The following ZCCHC7 variants were observed in gnomAD, a reference collection of about 807,000 sequenced individuals.
ZCCHC7 encodes zinc finger CCHC domain-containing protein 7.
A neutral mutation model predicts 52.0 loss-of-function variants in ZCCHC7; 35 were observed. The observed-to-expected ratio is 0.67, with a 90% CI of 0.51 to 0.89. The LOEUF (loss-of-function observed/expected upper bound fraction) is 0.89, where lower values mean the gene tolerates loss of function less well. ZCCHC7 is among the 40% of genes least tolerant of loss of function. The pLI is 0.00. For synonymous variants in ZCCHC7, 217 were observed against 221.5 expected (o/e 0.98, Z 0.18); for missense variants, 574 against 649.1 (o/e 0.88, Z 1.26).
chr9:37,285,611 T>G (rs1828170107), intron 2 of ZCCHC7, among the ~76,000 whole-genome samples: 1 of 152,192 alleles, frequency 6.6e-6, no homozygotes, highest in Non-Finnish European at 1.5e-5. Flanking sequence ...ATCAAATTTA[T>G]ATTTATCCTG....
chr9:37,123,496 CT>C (rs1017587278), intron 1 of ZCCHC7, among the ~76,000 whole-genome samples: 1 of 152,098 alleles, frequency 6.6e-6, no homozygotes, highest in African/African-American at 2.4e-5. Context: ...GAGATAAATC[CT>C]TTGACCCAAG....
At chr9:37,147,369 C>G (rs1052815961) in intron 2 of ZCCHC7, 1 of 151,900 alleles carries the variant, frequency 6.6e-6, no homozygotes, top group African/African-American at 2.4e-5. Flanking sequence ...CAGGTAATAC[C>G]TAGCAAATAC....
intron 6 of ZCCHC7, among the ~76,000 whole-genome samples, chr9:37,345,079 A>G (rs1365891622): frequency 1.3e-5 from 2 of 151,978 alleles, no homozygotes; most frequent in East Asian, 1.9e-4. Flanking sequence ...TTGTACCTCT[A>G]CCCCTCGAAA....
intron 6 of ZCCHC7, among the ~76,000 whole-genome samples, chr9:37,348,145 G>C (rs1380726816): frequency 6.6e-6 from 1 of 152,080 alleles, no homozygotes; most frequent in Admixed American, 6.6e-5. Flanking sequence ...TCTCTACATA[G>C]AAACTGCCTC....
At chr9:37,156,751 T>G (rs1820834532) in intron 2 of ZCCHC7, among the ~76,000 whole-genome samples, 1 of 152,226 alleles carries the variant, frequency 6.6e-6, no homozygotes, top group South Asian at 2.1e-4. Context: ...GATACGACTT[T>G]GTCATCTATT....
intron 2 of ZCCHC7, among the ~76,000 whole-genome samples, chr9:37,213,315 A>G (rs983250177): frequency 6.6e-6 from 1 of 152,164 alleles, no homozygotes; most frequent in Non-Finnish European, 1.5e-5. Context: ...GGGCAAGCAA[A>G]TAGTTTTAGC....
chr9:37,184,687 T>TTTGTTGTTGTTGTTGTTG (rs56220914), intron 2 of ZCCHC7, among the ~76,000 whole-genome samples: 17 of 150,470 alleles, frequency 1.1e-4, no homozygotes, highest in African/African-American at 3.9e-4. Context: ...TGTCTGGTGA[T>TTTGTTGTTGTTGTTGTTG]TTGTTGTTGT....
At chr9:37,288,311 TATAG>T (rs147253796) in intron 2 of ZCCHC7, among the ~76,000 whole-genome samples, 3,150 of 149,256 alleles carry the variant, frequency 0.021, 49 homozygotes, top group Non-Finnish European at 0.034. Context: ...TATCTATCTA[TATAG>T]ATAGATAGAT....
At chr9:37,302,290 T>G (rs958240702) in intron 3 of ZCCHC7, 59 bp downstream of exon 3, 77 of 1,389,194 alleles carry the variant, frequency 5.5e-5, no homozygotes, top group Non-Finnish European at 6.8e-5. Flanking sequence ...CATAGTTTAT[T>G]ATGATAACTT....
intron 5 of ZCCHC7, among the ~76,000 whole-genome samples, chr9:37,326,423 A>G (rs1402609365): frequency 6.6e-6 from 1 of 151,390 alleles, no homozygotes; most frequent in Non-Finnish European, 1.5e-5. Flanking sequence ...GTTTCCAGGA[A>G]TTTGATATTA....
At chr9:37,312,637 G>T (rs1829648547) in intron 5 of ZCCHC7, among the ~76,000 whole-genome samples, 1 of 152,212 alleles carries the variant, frequency 6.6e-6, no homozygotes, top group African/African-American at 2.4e-5. Context: ...AATATAGAGG[G>T]CTGGGCGCAG....
intron 2 of ZCCHC7, among the ~76,000 whole-genome samples, chr9:37,252,046 C>T (rs1341033053): frequency 6.6e-6 from 1 of 151,854 alleles, no homozygotes; most frequent in Non-Finnish European, 1.5e-5. Context: ...GAAAACATAC[C>T]ATTATTTAAT....
intron 2 of ZCCHC7, among the ~76,000 whole-genome samples, chr9:37,202,639 C>G (rs770369158): frequency 4.6e-5 from 7 of 152,072 alleles, no homozygotes; most frequent in African/African-American, 1.7e-4. Context: ...AGCCACCATG[C>G]CCAGCTAATT....
intron 5 of ZCCHC7, among the ~76,000 whole-genome samples, chr9:37,321,885 T>A (rs1307994040): frequency 6.6e-6 from 1 of 152,216 alleles, no homozygotes; most frequent in African/African-American, 2.4e-5. Flanking sequence ...AACAGTATAG[T>A]ATAGAACCTT....
chr9:37,138,864 A>G (rs1843104166), intron 2 of ZCCHC7, among the ~76,000 whole-genome samples: 1 of 151,932 alleles, frequency 6.6e-6, no homozygotes, highest in African/African-American at 2.4e-5. Context: ...GCATATAGTG[A>G]TCACTTATCT....
intron 2 of ZCCHC7, among the ~76,000 whole-genome samples, chr9:37,196,105 T>C (rs1823273432): frequency 6.6e-6 from 1 of 152,264 alleles, no homozygotes; most frequent in South Asian, 2.1e-4. Context: ...GGCCCAGATA[T>C]ATAAATATAT....
At chr9:37,177,704 T>C (rs974365294) in intron 2 of ZCCHC7, among the ~76,000 whole-genome samples, 3 of 152,172 alleles carry the variant, frequency 2.0e-5, no homozygotes, top group African/African-American at 4.8e-5. Context: ...TGATATGATA[T>C]AATGAGAATG....
chr9:37,143,570 G>A (rs576948121), intron 2 of ZCCHC7, among the ~76,000 whole-genome samples: 1 of 151,300 alleles, frequency 6.6e-6, no homozygotes, highest in East Asian at 1.9e-4. Context: ...ATGAGAATTG[G>A]GAAAGAAAAC....
At chr9:37,156,336 A>C (rs1037048250) in intron 2 of ZCCHC7, among the ~76,000 whole-genome samples, 1 of 152,180 alleles carries the variant, frequency 6.6e-6, no homozygotes, top group Non-Finnish European at 1.5e-5. Context: ...TTATGGTTTA[A>C]TATGTTGCTA....
Sources: allele counts gnomAD v4.1 joint callset (sites outside exome capture counted in the v4.1 genomes callset), GRCh38; gene constraint gnomAD v4.1.1; transcripts MANE v1.5; gene names NCBI Gene and HGNC (gene_info 2026-07-23, HGNC 2026-07-21).